Variants in NDST3 observed in about 807,000 individuals in gnomAD.
NDST3 encodes N-deacetylase and N-sulfotransferase 3.
NDST3 carries 58 observed loss-of-function variants against 96.1 expected under a neutral mutation model. The ratio of observed to expected loss-of-function variants is 0.60; its 90% confidence interval spans 0.49 to 0.75. The LOEUF (loss-of-function observed/expected upper bound fraction) is 0.75, where lower values mean the gene tolerates loss of function less well. NDST3 is among the 30% of genes least tolerant of loss of function. The pLI, the probability that NDST3 is intolerant of heterozygous loss-of-function variation, is 0.00. For synonymous variants in NDST3, 333 were observed against 359.7 expected (o/e 0.93, Z 0.84); for missense variants, 788 against 1,034.2 (o/e 0.76, Z 3.27).
Position 118,110,352 on chromosome 4 carries a change from T to C in NDST3, c.1070-4454T>C, listed in dbSNP as rs552870518. Among the ~76,000 whole-genome samples the C allele has an allele frequency of 2.0e-5, 3 of 152,342 alleles. No individual in the cohort carries two copies. In the East Asian group the frequency reaches 5.8e-4, roughly 29 times the overall value. ...GGGCCCTGAATTTGGAGTTGCTCAA[T>C]CTGAGTTAGAACTCAGAATTTCAAT... On this transcript the variant is annotated intron_variant, in intron 3 of 13. Coordinates refer to ENST00000296499, the MANE Select transcript of NDST3 (RefSeq NM_004784.3).
At chr4:118,199,856 C>G (rs1737950234) in intron 6 of NDST3, among the ~76,000 whole-genome samples, 2 of 152,126 alleles carry the variant, frequency 1.3e-5, no homozygotes. Context: ...GAAGAATTAT[C>G]TGGATTACCG....
At position 118,226,957 on chromosome 4, in the gene NDST3, C is replaced by T. The variant is rs775304852; in HGVS notation, c.1794C>T (p.Phe598=). The T allele has an allele frequency of 2.5e-6, 4 of 1,612,926 alleles. No homozygotes were observed. The Admixed American group carries it at 6.7e-5, about 27-fold the overall frequency. ...AAACTTGTGATCGCTTACCAAAATTCTTGGTAATAGGACCCCAGAAAACTG... is the reference window on the plus strand; with the variant it reads ...AAACTTGTGATCGCTTACCAAAATTTTTGGTAATAGGACCCCAGAAAACTG... The part of the protein sequence containing the change: ...KEKTCDRLPK[F]LVIGPQKTGT... Residue 598 remains phenylalanine, a synonymous_variant, in exon 8 of 14, where the codon TTC becomes TTT. Coordinates refer to ENST00000296499, the MANE Select transcript of NDST3 (RefSeq NM_004784.3).
chr4:118,143,998 G>A (rs1204544056), intron 6 of NDST3, among the ~76,000 whole-genome samples: 2 of 142,904 alleles, frequency 1.4e-5, no homozygotes, highest in Admixed American at 6.8e-5. Flanking sequence ...TTTCCACGGG[G>A]AACCATTTTT....
At chr4:118,037,252 G>T (rs972879716) in intron 1 of NDST3, among the ~76,000 whole-genome samples, 13 of 152,122 alleles carry the variant, frequency 8.5e-5, no homozygotes, top group African/African-American at 3.1e-4. Flanking sequence ...AAGTACTATT[G>T]TCTAGATTTC....
intron 5 of NDST3, among the ~76,000 whole-genome samples, chr4:118,141,140 T>G (rs1733542214): frequency 6.6e-6 from 1 of 152,164 alleles, no homozygotes; most frequent in Non-Finnish European, 1.5e-5. Flanking sequence ...TTGTTGATCA[T>G]GGCTTTCATA....
chr4:118,075,277 A>G (rs976020776), intron 2 of NDST3, among the ~76,000 whole-genome samples: 25 of 152,066 alleles, frequency 1.6e-4, no homozygotes, highest in African/African-American at 6.0e-4. Context: ...ATGTGCCACA[A>G]TTTCTTAATC....
intron 8 of NDST3, among the ~76,000 whole-genome samples, chr4:118,230,514 G>T (rs1039546458): frequency 1.3e-5 from 2 of 151,994 alleles, no homozygotes; most frequent in Non-Finnish European, 2.9e-5. Context: ...GGCGGAGCTT[G>T]CAGTGAGCCG....
intron 9 of NDST3, among the ~76,000 whole-genome samples, chr4:118,235,096 A>C (rs537553547): frequency 3.9e-4 from 58 of 149,656 alleles, no homozygotes; most frequent in African/African-American, 1.3e-3. Flanking sequence ...AATAACAAAT[A>C]AATGTGGAGT....
chr4:118,046,731 A>T (rs1427872074), intron 1 of NDST3, among the ~76,000 whole-genome samples: 1 of 152,176 alleles, frequency 6.6e-6, no homozygotes, highest in African/African-American at 2.4e-5. Flanking sequence ...CACCTCAGGA[A>T]TGCCAAGCCA....
intron 4 of NDST3, among the ~76,000 whole-genome samples, chr4:118,119,128 A>G (rs1039633612): frequency 6.6e-6 from 1 of 152,196 alleles, no homozygotes; most frequent in African/African-American, 2.4e-5. Flanking sequence ...TAATTGTATC[A>G]TCATCATTCT....
chr4:118,213,146 A>G (rs1738917266), intron 6 of NDST3, among the ~76,000 whole-genome samples: 1 of 152,214 alleles, frequency 6.6e-6, no homozygotes, highest in Non-Finnish European at 1.5e-5. Context: ...CCAGCCAGCA[A>G]GAATCATGCA....
At chr4:118,042,376 T>C (rs1293380174) in intron 1 of NDST3, among the ~76,000 whole-genome samples, 1 of 152,148 alleles carries the variant, frequency 6.6e-6, no homozygotes, top group Non-Finnish European at 1.5e-5. Context: ...ACCTCACACA[T>C]GGATTACAGC....
intron 2 of NDST3, among the ~76,000 whole-genome samples, chr4:118,081,410 TTG>T (rs3080149): frequency 0.75 from 114,216 of 151,824 alleles, 45,615 homozygotes; most frequent in South Asian, 0.92. Flanking sequence ...ATGCAAGTGA[TTG>T]TGTGTGTGTG....
intron 12 of NDST3, among the ~76,000 whole-genome samples, chr4:118,243,279 G>GA (rs1362906571): frequency 6.6e-6 from 1 of 151,904 alleles, no homozygotes; most frequent in Non-Finnish European, 1.5e-5. Flanking sequence ...AACTTTGCAG[G>GA]AAAAAAAGAT....
chr4:118,228,358 G>C (rs1578844639), intron 8 of NDST3, among the ~76,000 whole-genome samples: 1 of 152,126 alleles, frequency 6.6e-6, no homozygotes, highest in African/African-American at 2.4e-5. Context: ...CATCCTGAAG[G>C]CTTGGTAGCA....
chr4:118,187,496 G>C (rs1327519315), intron 6 of NDST3, among the ~76,000 whole-genome samples: 1 of 152,148 alleles, frequency 6.6e-6, no homozygotes, highest in Non-Finnish European at 1.5e-5. Context: ...GATTGACTAT[G>C]AAGGAACAAG....
At chr4:118,138,010 A>G in intron 4 of NDST3, 44 bp from the exon 5 acceptor site, 3 of 1,470,524 alleles carry the variant, frequency 2.0e-6, no homozygotes, top group Non-Finnish European at 2.7e-6. Flanking sequence ...AATAGGATCA[A>G]GATAAATCTT....
At chr4:118,098,588 T>A (rs1396917292) in intron 2 of NDST3, among the ~76,000 whole-genome samples, 1 of 152,066 alleles carries the variant, frequency 6.6e-6, no homozygotes, top group African/African-American at 2.4e-5. Flanking sequence ...ATTTAGAGGT[T>A]ATATATAATG....
At chr4:118,219,368 G>A (rs183941376) in intron 6 of NDST3, among the ~76,000 whole-genome samples, 7 of 152,022 alleles carry the variant, frequency 4.6e-5, no homozygotes, top group East Asian at 1.9e-4. Context: ...ACAGAACAGC[G>A]ACCTCAGAAA....
Sources: allele counts gnomAD v4.1 joint callset (sites outside exome capture counted in the v4.1 genomes callset), GRCh38; gene constraint gnomAD v4.1.1; transcripts MANE v1.5; gene names NCBI Gene and HGNC (gene_info 2026-07-23, HGNC 2026-07-21).